CRKL: variants seen among roughly 807,000 people sequenced by gnomAD.
CRKL encodes the protein crk-like protein.
A neutral mutation model predicts 23.0 loss-of-function variants in CRKL; 3 were observed. The ratio of observed to expected loss-of-function variants is 0.13; its 90% CI spans 0.06 to 0.34. CRKL has a LOEUF of 0.34. Ranked by LOEUF, CRKL falls within the 10% of genes least tolerant of loss-of-function variation. CRKL has a pLI of 1.00. For missense variants in CRKL, 256 were observed against 394.5 expected (o/e 0.65, Z 2.97); for synonymous variants, 188 against 160.7 (o/e 1.17, Z -1.28).
chr22:20,951,221 C>G lies in CRKL; in HGVS notation c.*1376C>G. On this transcript the variant is annotated 3_prime_UTR_variant, in exon 3 of 3. Coordinates refer to ENST00000354336, the MANE Select transcript of CRKL (RefSeq NM_005207.4). ...CGTGCCCAGGCCCAATCTCGTCAGG[C>G]TGCCAGAGAAAGTTGGTGCTGCTCA... is the stretch of plus-strand genomic sequence containing the variant. 1 of 232,582 alleles carries G rather than the reference C, an allele frequency of 4.3e-6. No individual in the cohort carries two copies. Among genetic ancestry groups the G allele is most frequent in the Non-Finnish European group, 8.5e-6 (1 of 117,642 alleles). 14.4% of individuals were successfully genotyped at this position (232,582 alleles called of 1,614,324 possible).
chr22:20,943,874 C>T (rs1360197479), intron 2 of CRKL, among the ~76,000 whole-genome samples: 3 of 151,976 alleles, frequency 2.0e-5, no homozygotes, highest in African/African-American at 7.2e-5. Context: ...TATTTTTGAC[C>T]TCTGAGTTCT....
In CRKL at chr22:20,949,913, C is replaced by A; in HGVS notation, c.*68C>A. 1 of 1,536,002 alleles carries A rather than the reference C, an allele frequency of 6.5e-7. No homozygotes were observed. Among genetic ancestry groups the A allele is most frequent in the Non-Finnish European group, 8.7e-7 (1 of 1,145,982 alleles). On this transcript the variant is annotated 3_prime_UTR_variant, in exon 3 of 3. Coordinates refer to ENST00000354336, the MANE Select transcript of CRKL (RefSeq NM_005207.4). Reference sequence around the variant, plus strand: ...CCTAGTCTCCTTTGAAGTGGGAAAGCATTTTCTCTCATAGGCAAGTCACAC... The same window carrying A: ...CCTAGTCTCCTTTGAAGTGGGAAAGAATTTTCTCTCATAGGCAAGTCACAC...
intron 1 of CRKL, among the ~76,000 whole-genome samples, chr22:20,927,785 A>G (rs1921279006): frequency 2.2e-5 from 3 of 138,260 alleles, no homozygotes; most frequent in Admixed American, 7.8e-5. Flanking sequence ...GGAGGTTGCA[A>G]TGAGTTGAGA....
intron 1 of CRKL, among the ~76,000 whole-genome samples, chr22:20,932,272 C>T (rs1271227183): frequency 6.6e-6 from 1 of 151,980 alleles, no homozygotes. Context: ...CTATGCCCGG[C>T]TCATTTTTTG....
In CRKL at chr22:20,917,738, C is replaced by T; in HGVS notation, c.-197C>T. On this transcript the variant is annotated 5_prime_UTR_variant, in exon 1 of 3. Coordinates refer to ENST00000354336, the MANE Select transcript of CRKL (RefSeq NM_005207.4). ...CGGGCGGCTCTCTCCGTGTGGCGGC[C>T]CCGGAGCAGGCGGGCGGCGTCGGAG... The T allele has an allele frequency of 3.3e-6, 2 of 610,386 alleles. No individual in the cohort carries two copies. The highest frequency in any genetic ancestry group is 5.8e-5 in the East Asian group (2 of 34,294). The allele number at this position is 610,386 out of a possible 1,614,324, so 37.8% of individuals were successfully genotyped here.
At chr22:20,923,912 C>G (rs1029906307) in intron 1 of CRKL, among the ~76,000 whole-genome samples, 3 of 151,734 alleles carry the variant, frequency 2.0e-5, no homozygotes, top group African/African-American at 7.3e-5. Context: ...GTTGGCTGTG[C>G]TCGGTGGCTC....
Position 20,918,063 on chromosome 22 carries a change from C to T in CRKL, c.129C>T (p.Thr43=), listed in dbSNP as rs775982668. ...TGTTCCTCGTCCGCGATTCTTCCAC[C>T]TGCCCTGGGGACTATGTGCTGTCGG... is the stretch of plus-strand genomic sequence containing the variant. ...HGMFLVRDSS[T]CPGDYVLSVS... is the part of the protein sequence containing the mutation. Residue 43 remains threonine (T), a synonymous_variant, in exon 1 of 3, where the codon ACC becomes ACT. Coordinates refer to ENST00000354336, the MANE Select transcript of CRKL (RefSeq NM_005207.4). 1.1e-5 allele frequency: 18 copies of T among 1,614,160 alleles called. No individual in the cohort carries two copies. Among genetic ancestry groups the T allele is most frequent in the Middle Eastern group, 1.6e-4 (1 of 6,084 alleles).
At chr22:20,942,569 A>G (rs1244913074) in intron 2 of CRKL, among the ~76,000 whole-genome samples, 1 of 151,718 alleles carries the variant, frequency 6.6e-6, no homozygotes. Context: ...GCTTTCAGTT[A>G]TTTTGGTTAT....
intron 2 of CRKL, among the ~76,000 whole-genome samples, chr22:20,938,150 G>T (rs1921731332): frequency 6.6e-6 from 1 of 152,160 alleles, no homozygotes. Flanking sequence ...AGACAAGTAG[G>T]ACAAAATGTG....
Position 20,951,770 on chromosome 22 carries a change from G to A in CRKL, c.*1925G>A, listed in dbSNP as rs1006014765. ...GTATTCCATCAGGCAGATAACTGCTGTATTCATGAATCTTGAGAGTGTTCC... is the reference window on the plus strand; with the variant it reads ...GTATTCCATCAGGCAGATAACTGCTATATTCATGAATCTTGAGAGTGTTCC... On this transcript the variant is annotated 3_prime_UTR_variant, in exon 3 of 3. Transcript: ENST00000354336. The A allele has an allele frequency of 4.5e-6, 1 of 220,692 alleles. No individual in the cohort carries two copies. Among genetic ancestry groups the A allele is most frequent in the Non-Finnish European group, 9.1e-6 (1 of 110,264 alleles). The allele number at this position is 220,692 out of a possible 1,614,324, so 13.7% of individuals were successfully genotyped here.
chr22:20,949,670 G>A, intron 2 of CRKL, 41 bp from the exon 3 acceptor site: 1 of 1,604,816 alleles, frequency 6.2e-7, no homozygotes, highest in South Asian at 1.1e-5. Context: ...TCTTTTTCTT[G>A]TTGCAGAGAA....
intron 2 of CRKL, among the ~76,000 whole-genome samples, chr22:20,946,657 T>G (rs1280040136): frequency 6.6e-6 from 1 of 151,936 alleles, no homozygotes; most frequent in African/African-American, 2.4e-5. Flanking sequence ...GACTATACTT[T>G]CAGGGATCAT....
intron 1 of CRKL, among the ~76,000 whole-genome samples, chr22:20,918,914 T>G (rs1929789788): frequency 6.6e-6 from 1 of 151,886 alleles, no homozygotes; most frequent in Admixed American, 6.6e-5. Flanking sequence ...AGCCATAGAC[T>G]TCTTTGAGAA....
At chr22:20,949,656 ACTGT>A (rs1922194206) in intron 2 of CRKL, 51 bp from the exon 3 acceptor site, 1 of 1,602,846 alleles carries the variant, frequency 6.2e-7, no homozygotes, top group Non-Finnish European at 8.5e-7. Flanking sequence ...TTTAATGTAA[ACTGT>A]CTTTTTCTTG....
chr22:20,933,252 C>A (rs1189498252), intron 1 of CRKL, among the ~76,000 whole-genome samples: 1 of 151,924 alleles, frequency 6.6e-6, no homozygotes, highest in East Asian at 1.9e-4. Context: ...TGCCTGTAGT[C>A]CCAGCTACTC....
rs190354205 is a variant in CRKL at position 20,920,668 on chromosome 22, T to C, written c.311+2423T>C. Among the ~76,000 whole-genome samples, 256 of 152,246 alleles carry C rather than the reference T, an allele frequency of 1.7e-3. 2 individuals carry two copies. Among genetic ancestry groups the C allele is most frequent in the African/African-American group, 5.9e-3 (247 of 41,556 alleles). On this transcript the variant is annotated intron_variant, in intron 1 of 2. Transcript: ENST00000354336. ...TCTTTGCCCTCTTTCGTCCTTCCTTTACTGCAGCTGTACTAGGCTGCTCAC... is the reference window on the plus strand; with the variant it reads ...TCTTTGCCCTCTTTCGTCCTTCCTTCACTGCAGCTGTACTAGGCTGCTCAC...
rs1031456549 is a variant in CRKL at position 20,950,394 on chromosome 22, T to C, written c.*549T>C. 4 of 233,038 alleles carry C rather than the reference T, an allele frequency of 1.7e-5. No individual in the cohort carries two copies. Among genetic ancestry groups the C allele is most frequent in the African/African-American group, 8.8e-5 (4 of 45,244 alleles). The allele number at this position is 233,038 out of a possible 1,614,324, so 14.4% of individuals were successfully genotyped here. A position where few individuals can be genotyped will look rare whatever the true frequency, so the allele number is the denominator to read the frequency against. On this transcript the variant is annotated 3_prime_UTR_variant, in exon 3 of 3. Coordinates refer to ENST00000354336, the MANE Select transcript of CRKL (RefSeq NM_005207.4). ...ATTAATTAGACTTGTGTGGGGGTTTTTTTTTGTTTTGTTTTGTTTGTTTTG... is the reference window on the plus strand; with the variant it reads ...ATTAATTAGACTTGTGTGGGGGTTTCTTTTTGTTTTGTTTTGTTTGTTTTG...
At position 20,927,192 on chromosome 22, in the gene CRKL, A is replaced by ATTTTTTTTTTTTTTTTTTTTT. The variant is rs532930393; in HGVS notation, c.312-6569_312-6568insTTTTTTTTTTTTTTTTTTTTT. Among the ~76,000 whole-genome samples, 446 of 81,942 alleles carry ATTTTTTTTTTTTTTTTTTTTT rather than the reference A, an allele frequency of 5.4e-3. 59 individuals carry two copies. The highest frequency in any genetic ancestry group is 0.017 in the African/African-American group (294 of 16,956). The allele number at this position is 81,942 out of a possible 152,430, so 53.8% of individuals were successfully genotyped here. On this transcript the variant is annotated intron_variant, in intron 1 of 2. Transcript: ENST00000354336. ...AGTACTTAGCTCATCTTGGAATTGA[A>ATTTTTTTTTTTTTTTTTTTTT]TTTTTTTTTTTTTTTTTTGAGACAG...
rs1474048115 is a variant in CRKL, at chr22:20,951,421, G to A, written c.*1576G>A. The A allele has an allele frequency of 4.3e-6, 1 of 230,470 alleles. No homozygotes were observed. Among genetic ancestry groups the A allele is most frequent in the Non-Finnish European group, 8.6e-6 (1 of 116,370 alleles). The allele number at this position is 230,470 out of a possible 1,614,324, so 14.3% of individuals were successfully genotyped here. A position where few individuals can be genotyped will look rare whatever the true frequency, so the allele number is the denominator to read the frequency against. ...TTGATGTTAAAGCATTTCCCTGTTA[G>A]CTAAAAGAGGCCTGTTCATACAAGC... On this transcript the variant is annotated 3_prime_UTR_variant, in exon 3 of 3. Coordinates refer to ENST00000354336, the MANE Select transcript of CRKL (RefSeq NM_005207.4).
Sources: gnomAD v4.1 joint callset for allele counts (sites outside exome capture counted in the v4.1 genomes callset) on GRCh38, gnomAD v4.1.1 for gene constraint, MANE v1.5 for transcripts, NCBI Gene and HGNC (gene_info 2026-07-23, HGNC 2026-07-21) for gene names.